ABAT: variants seen among roughly 807,000 people sequenced by gnomAD.
ABAT encodes 4-aminobutyrate aminotransferase, also known as 4-aminobutyrate aminotransferase, mitochondrial.
ABAT carries 45 observed loss-of-function variants against 64.6 expected under a neutral mutation model. That is an observed-to-expected ratio of 0.70 (90% confidence interval 0.55 to 0.89). The LOEUF is 0.89. Ranked by LOEUF, ABAT falls within the 40% of genes least tolerant of loss-of-function variation. The pLI is 0.00. For synonymous variants in ABAT, 297 were observed against 250.5 expected, an observed-to-expected ratio of 1.19 and a Z score of -1.75; for missense variants, 633 against 658.4, an observed-to-expected ratio of 0.96 and a Z score of 0.42.
At chr16:8,765,381 A>G (rs2059915018) in intron 8 of ABAT, among the ~76,000 whole-genome samples, 1 of 150,636 alleles carries the variant, frequency 6.6e-6, no homozygotes, top group Non-Finnish European at 1.5e-5. Flanking sequence ...TTCCCCTCCA[A>G]GGTTGGGCAC....
At chr16:8,696,410 G>A (rs1313973468) in intron 1 of ABAT, among the ~76,000 whole-genome samples, 1 of 152,160 alleles carries the variant, frequency 6.6e-6, no homozygotes, top group Non-Finnish European at 1.5e-5. Flanking sequence ...ATCACTTGAG[G>A]TCAGGTGTTC....
intron 1 of ABAT, chr16:8,722,926 G>A (rs962561100): frequency 8.3e-7 from 1 of 1,205,900 alleles, no homozygotes; most frequent in African/African-American, 1.6e-5. Context: ...GTTTCTTAGA[G>A]TCCGAACGGG....
intron 1 of ABAT, chr16:8,714,871 G>C (rs2142114095): frequency 6.5e-6 from 1 of 152,738 alleles, no homozygotes; most frequent in Non-Finnish European, 1.5e-5. Flanking sequence ...CTCACCCTCA[G>C]ACACATTGCT....
chr16:8,778,782 A>AAAAAAAC (rs1005572499), intron 14 of ABAT, among the ~76,000 whole-genome samples: 117 of 152,046 alleles, frequency 7.7e-4, no homozygotes, highest in African/African-American at 2.4e-3. Context: ...ATCTCAAAAA[A>AAAAAAAC]AAAAAACAAA....
Position 8,776,513 on chromosome 16 carries a change from G to A in ABAT, c.1269+23G>A, listed in dbSNP as rs778112323. The A allele has an allele frequency of 1.7e-5, 19 of 1,126,208 alleles. No homozygotes were observed. Among genetic ancestry groups the A allele is most frequent in the Middle Eastern group, 5.8e-4 (2 of 3,426 alleles). The allele number at this position is 1,126,208 out of a possible 1,614,324, so 69.8% of individuals were successfully genotyped here. On this transcript the variant is annotated intron_variant, in intron 14 of 15. Coordinates refer to ENST00000268251, the MANE Select transcript of ABAT (RefSeq NM_020686.6). This position sits in a 1 kb window ranked among gnomAD's most constrained non-coding sequence, Gnocchi z 4.4. ...CAGGTAACACCCCCTCCCCTGCCCC[G>A]CCCCCACCACCCATGGCTCCCCGCA...
rs111436559 is a variant in ABAT at position 8,694,492 on chromosome 16, G to A, written c.-42+19781G>A. Among the ~76,000 whole-genome samples, 1,168 of 151,972 alleles carry A rather than the reference G, an allele frequency of 7.7e-3. 16 individuals carry two copies. Among genetic ancestry groups the A allele is most frequent in the African/African-American group, 0.027 (1,114 of 41,452 alleles). ...AATAGCCTTGAGCTCCTGGGCTTAA[G>A]CAATTCTCCCGAGCAGCTGGGACCA... On this transcript the variant is annotated intron_variant, in intron 1 of 15. Coordinates refer to ENST00000268251, the MANE Select transcript of ABAT (RefSeq NM_020686.6).
In ABAT at chr16:8,716,724, A is replaced by C. The variant is rs1891886199; in HGVS notation, c.-41-18975A>C. On this transcript the variant is annotated intron_variant, in intron 1 of 15. Coordinates refer to ENST00000268251, the MANE Select transcript of ABAT (RefSeq NM_020686.6). ...TCCCGTTGAGAGCCTCTCCTAGACT[A>C]AACTACTTGTGCCTACGTCATTGCA... Among the ~76,000 whole-genome samples, 5 of 152,294 alleles carry C rather than the reference A, an allele frequency of 3.3e-5. No homozygotes were observed. The South Asian group carries it at 8.3e-4, about 25-fold the overall frequency.
Position 8,737,991 on chromosome 16 carries a change from G to GGAAGGAAGGAAGGAAGAAAGAAA in ABAT, c.70+2185_70+2186insGGAAGGAAGGAAGAAAGAAAGAA, listed in dbSNP as rs1567295685. 2.5e-3 allele frequency among the ~76,000 whole-genome samples: 37 copies of GGAAGGAAGGAAGGAAGAAAGAAA among 14,962 alleles called. 7 individuals are homozygous for GGAAGGAAGGAAGGAAGAAAGAAA. The highest frequency in any genetic ancestry group is 5.2e-3 in the South Asian group (2 of 386). 9.8% of individuals were successfully genotyped at this position (14,962 alleles called of 152,430 possible). ...AAGGAAGGAAGGAAGGAAGGAAGGA[G>GGAAGGAAGGAAGGAAGAAAGAAA]GAAAGAAAGAAAGAAAGAAAGAAAG... On this transcript the variant is annotated intron_variant, in intron 2 of 15. Coordinates refer to ENST00000268251, the MANE Select transcript of ABAT (RefSeq NM_020686.6).
intron 1 of ABAT, among the ~76,000 whole-genome samples, chr16:8,732,225 AATTT>A (rs2058747076): frequency 2.3e-5 from 2 of 87,668 alleles, no homozygotes; most frequent in African/African-American, 4.4e-5. Flanking sequence ...TTGTTTTTTT[AATTT>A]ATTTATTTTT....
At chr16:8,717,694 T>C (rs1293802322) in intron 1 of ABAT, among the ~76,000 whole-genome samples, 1 of 152,232 alleles carries the variant, frequency 6.6e-6, no homozygotes, top group Non-Finnish European at 1.5e-5. Flanking sequence ...AAGACACTGA[T>C]TTTTATACCC....
intron 1 of ABAT, among the ~76,000 whole-genome samples, chr16:8,724,512 G>C (rs534720129): frequency 6.6e-6 from 1 of 152,070 alleles, no homozygotes; most frequent in Non-Finnish European, 1.5e-5. Context: ...TGGGAGGACT[G>C]CTTGAGCCCA....
At position 8,757,746 on chromosome 16, in the gene ABAT, C is replaced by T. The variant is rs779744741; in HGVS notation, c.317-11C>T. The T allele has an allele frequency of 7.4e-6, 12 of 1,613,802 alleles. No homozygotes were observed. The highest frequency in any genetic ancestry group is 5.5e-5 in the South Asian group (5 of 91,080). On this transcript the variant is annotated splice_polypyrimidine_tract_variant and intron_variant, in intron 5 of 15. Transcript: ENST00000268251. ...GCAATGAGGTCTCTAACAATACTCTCCTGCCCTCAGGTTACAGCCACCCCG... is the reference window on the plus strand; with the variant it reads ...GCAATGAGGTCTCTAACAATACTCTTCTGCCCTCAGGTTACAGCCACCCCG...
intron 1 of ABAT, among the ~76,000 whole-genome samples, chr16:8,728,231 T>A (rs900196238): frequency 6.6e-6 from 1 of 152,268 alleles, no homozygotes; most frequent in East Asian, 1.9e-4. Flanking sequence ...TAAGAATTAA[T>A]GTCTAACAGA....
rs115087984 is a variant in ABAT, at chr16:8,701,640, C to G, written c.-42+26929C>G. Among the ~76,000 whole-genome samples the G allele has an allele frequency of 4.3e-3, 653 of 152,352 alleles. 6 individuals carry two copies. The highest frequency in any genetic ancestry group is 0.015 in the African/African-American group (634 of 41,584). On this transcript the variant is annotated intron_variant, in intron 1 of 15. Transcript: ENST00000268251. The stretch of plus-strand genomic sequence containing the variant: ...TCCCCAAACCTTAATGATCAATAAA[C>G]ATGGAGCTCTGTAATGAGGGAGCTT...
At chr16:8,679,269 G>A (rs1389851416) in intron 1 of ABAT, among the ~76,000 whole-genome samples, 1 of 152,188 alleles carries the variant, frequency 6.6e-6, no homozygotes, top group Non-Finnish European at 1.5e-5. Context: ...TGCCAGTGGT[G>A]AAATTCAGCT....
chr16:8,677,783 C>T (rs1400486118), intron 1 of ABAT, among the ~76,000 whole-genome samples: 1 of 152,130 alleles, frequency 6.6e-6, no homozygotes, highest in Non-Finnish European at 1.5e-5. Context: ...TGGCCTTAAA[C>T]ATAGTTGATA....
chr16:8,751,289 C>T (rs891302027), intron 5 of ABAT, among the ~76,000 whole-genome samples: 8 of 151,804 alleles, frequency 5.3e-5, no homozygotes, highest in Admixed American at 2.6e-4. Flanking sequence ...TCTCACTATG[C>T]GCTGCCCAGG....
chr16:8,758,605 A>T (rs1026610210), intron 6 of ABAT, among the ~76,000 whole-genome samples: 1 of 152,016 alleles, frequency 6.6e-6, no homozygotes, highest in African/African-American at 2.4e-5. Context: ...TGTCCTGTGC[A>T]TTGAGACATT....
chr16:8,684,704 C>A, intron 1 of ABAT, among the ~76,000 whole-genome samples: 2 of 128,788 alleles, frequency 1.6e-5, no homozygotes, highest in South Asian at 2.5e-4. Flanking sequence ...GCGTGGACAA[C>A]AGAGTGAGAT....
Sources: allele counts gnomAD v4.1 joint callset (sites outside exome capture counted in the v4.1 genomes callset), GRCh38; gene constraint gnomAD v4.1.1; non-coding constraint Gnocchi (gnomAD v3.1); transcripts MANE v1.5; gene names NCBI Gene and HGNC (gene_info 2026-07-23, HGNC 2026-07-21).